The following IP6K2 variants were observed in gnomAD, a reference collection of about 807,000 sequenced individuals.
IP6K2 encodes ATP:1D-myo-inositol-hexakisphosphate phosphotransferase.
In IP6K2, 9 loss-of-function variants were observed where a neutral mutation model predicts 43.3. That is an observed-to-expected ratio of 0.21 (90% CI 0.13 to 0.36). The LOEUF (loss-of-function observed/expected upper bound fraction) is 0.36. Among genes scored for constraint, IP6K2 ranks in the 10% least tolerant of loss-of-function variants. The probability of loss-of-function intolerance (pLI) is 1.00; values close to 1 mark genes in which losing one functional copy is unlikely to be tolerated. For missense variants in IP6K2, 332 were observed against 538.4 expected, an observed-to-expected ratio of 0.62 and a Z score of 3.79; for synonymous variants, 209 against 202.4, an observed-to-expected ratio of 1.03 and a Z score of -0.28.
Position 48,693,154 on chromosome 3 carries a change from T to A in IP6K2, c.228A>T (p.Glu76Asp), listed in dbSNP as rs780321946. The A allele has an allele frequency of 6.2e-7, 1 of 1,614,196 alleles. No homozygotes were observed. The highest frequency in any genetic ancestry group is 8.5e-7 in the Non-Finnish European group (1 of 1,180,010). Residue 76 changes from glutamate (E) to aspartate (D), a missense_variant, in exon 3 of 6, where the codon GAA (glutamate) becomes GAT (aspartate). Physicochemically the swap from Glu to Asp is conservative, Grantham distance 45. Coordinates refer to ENST00000328631, the MANE Select transcript of IP6K2 (RefSeq NM_016291.4). The stretch of plus-strand genomic sequence containing the variant: ...TTAGACACAAGTTCCTGTCTTCATC[T>A]TCTTCAAAGCGCACAGATACCACAC... ...YKGVVSVRFE[E>D]DEDRNLCLIA...
At position 48,697,170 on chromosome 3, in the gene IP6K2, G is replaced by A. The variant is rs558345987; in HGVS notation, c.-130-1749C>T. On this transcript the variant is annotated intron_variant, in intron 1 of 5. Coordinates refer to ENST00000328631, the MANE Select transcript of IP6K2 (RefSeq NM_016291.4). The stretch of plus-strand genomic sequence containing the variant: ...TGAGTAGCTGGGACTACAGGCGCCC[G>A]CCACCACACCCGGCTAATTTTTTGT... Among the ~76,000 whole-genome samples the A allele has an allele frequency of 3.2e-3, 487 of 150,048 alleles. 2 individuals are homozygous for A. Among genetic ancestry groups the A allele is most frequent in the Non-Finnish European group, 3.1e-3 (208 of 67,510 alleles).
At chr3:48,690,515 C>T (rs2077675152) in intron 4 of IP6K2, among the ~76,000 whole-genome samples, 1 of 151,948 alleles carries the variant, frequency 6.6e-6, no homozygotes, top group African/African-American at 2.4e-5. Context: ...GAGGGCTGGG[C>T]GTGGTGGTTC....
chr3:48,703,714 C>T (rs533920919), intron 1 of IP6K2, among the ~76,000 whole-genome samples: 36 of 151,938 alleles, frequency 2.4e-4, no homozygotes, highest in Admixed American at 1.8e-3. Context: ...TAGACTCTGT[C>T]TCAAAAAACA....
rs771127659 is a variant in IP6K2, at chr3:48,688,665, G to A, written c.889C>T (p.Arg297Trp). Residue 297 changes from arginine to tryptophan, a missense_variant, in exon 6 of 6, where the codon CGG becomes TGG. Physicochemically the swap from Arg to Trp is moderately radical, Grantham distance 101. Transcript: ENST00000328631. The surrounding 1 kb of genome is among the most constrained non-coding windows in gnomAD (Gnocchi z 5.1). ...EALFQFFHNG[R>W]YLRRELLGPV... ...CCCAGGAGTTCACGGCGCAGGTACC[G>A]CCCATTGTGGAAGAACTGGAAAAGT... The A allele has an allele frequency of 3.2e-5, 52 of 1,614,094 alleles. No homozygotes were observed. Among genetic ancestry groups the A allele is most frequent in the East Asian group, 2.0e-4 (9 of 44,902 alleles).
At chr3:48,709,064 T>G (rs147473364) in intron 1 of IP6K2, among the ~76,000 whole-genome samples, 1 of 152,172 alleles carries the variant, frequency 6.6e-6, no homozygotes, top group South Asian at 2.1e-4. Flanking sequence ...CGAGACACTG[T>G]CTCAAACAAC....
rs960727370 is a variant in IP6K2 at position 48,694,430 on chromosome 3, T to C, written c.202+660A>G. 1.9e-6 allele frequency: 3 copies of C among 1,548,118 alleles called. No individual in the cohort carries two copies. In the African/African-American group the frequency reaches 4.1e-5, roughly 21 times the overall value. ...TTTATGTAACCAGGTAATGCACATT[T>C]AAAATTAATTTCTTTAATGGATTCT... On this transcript the variant is annotated intron_variant, in intron 2 of 5. Coordinates refer to ENST00000328631, the MANE Select transcript of IP6K2 (RefSeq NM_016291.4).
Position 48,688,209 on chromosome 3 carries a change from C to G in IP6K2, c.*64G>C. The G allele has an allele frequency of 6.4e-7, 1 of 1,567,040 alleles. No individual in the cohort carries two copies. The highest frequency in any genetic ancestry group is 8.7e-7 in the Non-Finnish European group (1 of 1,150,360). ...CCACCTGGCCATACTGGCTTCCTCCCTGACGCAGCACAGCTGTGCCTGGGA... is the reference window on the plus strand; with the variant it reads ...CCACCTGGCCATACTGGCTTCCTCCGTGACGCAGCACAGCTGTGCCTGGGA... On this transcript the variant is annotated 3_prime_UTR_variant, in exon 6 of 6. Coordinates refer to ENST00000328631, the MANE Select transcript of IP6K2 (RefSeq NM_016291.4). This position sits in a 1 kb window ranked among gnomAD's most constrained non-coding sequence, Gnocchi z 5.1.
At chr3:48,696,043 A>G (rs1429207698) in intron 1 of IP6K2, among the ~76,000 whole-genome samples, 3 of 151,244 alleles carry the variant, frequency 2.0e-5, no homozygotes, top group Admixed American at 6.6e-5. Flanking sequence ...ACACCACCAC[A>G]CCCAGCTAAT....
At chr3:48,693,993 AC>A in intron 2 of IP6K2, 1 of 1,372,250 alleles carries the variant, frequency 7.3e-7, no homozygotes, top group Admixed American at 3.6e-5. Context: ...CGCCTTACAA[AC>A]GACTGGCTGA....
In IP6K2 at chr3:48,693,037, T is replaced by C. The variant is rs145148629; in HGVS notation, c.345A>G (p.Thr115=). Residue 115 remains threonine (T), a synonymous_variant, in exon 3 of 6, where the codon ACA becomes ACG. Transcript: ENST00000328631. ...TTTCTAAGACATGATGTTTTTTGTT[T>C]GTTGTCCACCTTAGGAGCTTACTTT... is the stretch of plus-strand genomic sequence containing the variant. ...EPKSKLLRWT[T]NKKHHVLETE... is the part of the protein sequence containing the mutation. 83 of 1,614,274 alleles carry C rather than the reference T, an allele frequency of 5.1e-5. No homozygotes were observed. The African/African-American group carries it at 8.4e-4, about 16-fold the overall frequency.
chr3:48,694,411 T>C, intron 2 of IP6K2: 1 of 1,547,136 alleles, frequency 6.5e-7, no homozygotes, highest in East Asian at 2.4e-5. Context: ...GTCCTTTATG[T>C]AACCAGGTAA....
At chr3:48,716,819 C>A (rs1437364611) in intron 1 of IP6K2, among the ~76,000 whole-genome samples, 2 of 152,152 alleles carry the variant, frequency 1.3e-5, no homozygotes, top group East Asian at 3.9e-4. Context: ...CACCGTAGAT[C>A]TTGCGCTTCC....
At chr3:48,693,397 T>C in intron 2 of IP6K2, 1 of 1,229,960 alleles carries the variant, frequency 8.1e-7, no homozygotes, top group Non-Finnish European at 1.2e-6. Flanking sequence ...GCTGAGAGTC[T>C]TCCTCTCTGA....
Position 48,698,665 on chromosome 3 carries a change from G to A in IP6K2, c.-130-3244C>T, listed in dbSNP as rs564354016. ...TTTTTGTATTTTTAGTAGAGATGGG[G>A]TTTCGCCATGTTGGCCAGGCTGGTC... On this transcript the variant is annotated intron_variant, in intron 1 of 5. Transcript: ENST00000328631. Among the ~76,000 whole-genome samples the A allele has an allele frequency of 3.9e-5, 6 of 152,220 alleles. No homozygotes were observed. The East Asian group carries it at 1.2e-3, about 30-fold the overall frequency.
chr3:48,699,552 T>G (rs2078795628), intron 1 of IP6K2: 1 of 152,218 alleles, frequency 6.6e-6, no homozygotes, highest in African/African-American at 2.4e-5. Context: ...TCTCTGGCGG[T>G]CCATAGGTTG....
At chr3:48,694,881 A>C (rs1269387316) in intron 2 of IP6K2, 2 of 1,539,074 alleles carry the variant, frequency 1.3e-6, no homozygotes, top group East Asian at 2.4e-5. Flanking sequence ...CCACACAACA[A>C]AACAGAATTG....
At chr3:48,706,144 T>C (rs1575717223) in intron 1 of IP6K2, among the ~76,000 whole-genome samples, 1 of 144,362 alleles carries the variant, frequency 6.9e-6, no homozygotes, top group African/African-American at 2.6e-5. Flanking sequence ...GAGGCGGAGG[T>C]TGCAGTGAGC....
At chr3:48,691,248 C>T (rs1290526594) in intron 4 of IP6K2, 59 bp downstream of exon 4, 2 of 1,404,256 alleles carry the variant, frequency 1.4e-6, no homozygotes, top group Admixed American at 4.1e-5. Flanking sequence ...CTCCAAGGGA[C>T]TTCCTCATTT....
chr3:48,688,585 G>C lies in IP6K2; in HGVS notation c.969C>G (p.Ser323=). The change falls in exon 6 of 6, where the codon TCC becomes TCG. Residue 323 remains serine, a synonymous_variant. Coordinates refer to ENST00000328631, the MANE Select transcript of IP6K2 (RefSeq NM_016291.4). This position sits in a 1 kb window ranked among gnomAD's most constrained non-coding sequence, Gnocchi z 5.1. The part of the protein sequence containing the change: ...ELKAVLERQE[S]YRFYSSSLLV... ...GCAGGGAGCTTGAGTAGAAGCGGTA[G>C]GACTCCTGTCGCTCCAACACTGCCT... 2.5e-6 allele frequency: 4 copies of C among 1,614,238 alleles called. No individual in the cohort carries two copies. Among genetic ancestry groups the C allele is most frequent in the Non-Finnish European group, 3.4e-6 (4 of 1,180,048 alleles).
Sources: gnomAD v4.1 joint callset for allele counts (sites outside exome capture counted in the v4.1 genomes callset) on GRCh38, gnomAD v4.1.1 for gene constraint, Gnocchi (gnomAD v3.1) non-coding constraint, MANE v1.5 for transcripts, NCBI Gene and HGNC (gene_info 2026-07-23, HGNC 2026-07-21) for gene names.